UBE2V1: variants seen among roughly 807,000 people sequenced by gnomAD.
UBE2V1 encodes ubiquitin conjugating enzyme E2 V1.
A neutral mutation model predicts 19.6 loss-of-function variants in UBE2V1; 15 were observed. That is an observed-to-expected ratio of 0.77 (90% CI 0.51 to 1.18). UBE2V1 has a LOEUF of 1.18. Among genes scored for constraint, UBE2V1 ranks in the 50% most tolerant of loss-of-function variants. UBE2V1 has a pLI of 0.00. For missense variants in UBE2V1, 125 were observed against 184.8 expected, an observed-to-expected ratio of 0.68 and a Z score of 1.88; for synonymous variants, 60 against 60.7, an observed-to-expected ratio of 0.99 and a Z score of 0.05.
intron 1 of UBE2V1, among the ~76,000 whole-genome samples, chr20:50,111,873 C>T (rs1193331311): frequency 6.6e-6 from 1 of 152,198 alleles, no homozygotes; most frequent in Non-Finnish European, 1.5e-5. Flanking sequence ...TGCAGCCCCA[C>T]AGTGGGGAAC....
chr20:50,084,424 GT>G, intron 2 of UBE2V1, 170 bp from the exon 3 acceptor site: 2 of 1,215,552 alleles, frequency 1.6e-6, no homozygotes, highest in Non-Finnish European at 2.4e-6. Flanking sequence ...TCCTACACTA[GT>G]TTATATGACT....
At chr20:50,111,298 G>A in intron 1 of UBE2V1, 15 of 989,388 alleles carry the variant, frequency 1.5e-5, no homozygotes, top group Non-Finnish European at 1.7e-5. Flanking sequence ...CTTTTTAACT[G>A]TCAGGGTCTG....
At chr20:50,101,032 C>G (rs2079952765) in intron 1 of UBE2V1, among the ~76,000 whole-genome samples, 1 of 152,174 alleles carries the variant, frequency 6.6e-6, no homozygotes, top group Non-Finnish European at 1.5e-5. Flanking sequence ...TATTCGATTA[C>G]TTAAAAACAA....
intron 1 of UBE2V1, among the ~76,000 whole-genome samples, chr20:50,101,368 C>T (rs1473259841): frequency 1.3e-5 from 2 of 151,562 alleles, no homozygotes; most frequent in African/African-American, 4.8e-5. Flanking sequence ...AAACCTTTTG[C>T]TCTCAAGAAT....
intron 2 of UBE2V1, among the ~76,000 whole-genome samples, chr20:50,094,207 TAA>T (rs1491298559): frequency 1.3e-5 from 1 of 78,406 alleles, no homozygotes; most frequent in African/African-American, 1.1e-4. Flanking sequence ...ACAGTATATA[TAA>T]TATATAACAT....
At chr20:50,086,379 CA>C (rs2078915699) in intron 2 of UBE2V1, among the ~76,000 whole-genome samples, 3 of 151,924 alleles carry the variant, frequency 2.0e-5, no homozygotes, top group Non-Finnish European at 2.9e-5. Context: ...AATTGGTACT[CA>C]AATGTTTGTT....
chr20:50,113,766 A>AATTCATTC (rs67186246), upstream of UBE2V1, among the ~76,000 whole-genome samples: 1,112 of 132,878 alleles, frequency 8.4e-3, 11 homozygotes, highest in African/African-American at 0.021. Context: ...CCATCTACCC[A>AATTCATTC]ATTCATTCAT....
intron 2 of UBE2V1, among the ~76,000 whole-genome samples, chr20:50,091,750 A>G (rs2079244384): frequency 6.6e-6 from 1 of 152,180 alleles, no homozygotes; most frequent in Non-Finnish European, 1.5e-5. Flanking sequence ...GATGTCCACC[A>G]TCTATTAGGT....
At chr20:50,115,617 G>C (rs1175830600), upstream of UBE2V1, 1 of 1,402,080 alleles carries the variant, frequency 7.1e-7, no homozygotes, top group African/African-American at 1.5e-5. Context: ...AACCTCATAG[G>C]ATTGCTGTGG....
chr20:50,096,305 G>T, intron 2 of UBE2V1: 1 of 300,574 alleles, frequency 3.3e-6, no homozygotes, highest in Non-Finnish European at 6.3e-6. Context: ...CAACTGGGAA[G>T]GCTTTCCAGA....
intron 1 of UBE2V1, among the ~76,000 whole-genome samples, chr20:50,106,874 C>CAACAA (rs530425666): frequency 1.6e-5 from 2 of 124,670 alleles, no homozygotes; most frequent in African/African-American, 6.3e-5. Context: ...ACAACAACAA[C>CAACAA]AAAAAAAAAA....
chr20:50,091,325 C>T lies in UBE2V1; in HGVS notation c.171+5347G>A, dbSNP rs548295290. Among the ~76,000 whole-genome samples the T allele has an allele frequency of 1.5e-4, 23 of 151,252 alleles. 1 individual carries two copies. The highest frequency in any genetic ancestry group is 3.4e-4 in the African/African-American group (14 of 41,110). On this transcript the variant is annotated intron_variant, in intron 2 of 3. Coordinates refer to ENST00000371674, the MANE Select transcript of UBE2V1 (RefSeq NM_001032288.3). ...CCTCCCAAAGCGCTGGGATTACAGG[C>T]GTGAATCACCACACCTGGGCTTTTG... is the stretch of plus-strand genomic sequence containing the variant.
At chr20:50,083,890 A>G in intron 3 of UBE2V1, 1 of 358,350 alleles carries the variant, frequency 2.8e-6, no homozygotes, top group African/African-American at 2.1e-5. Context: ...ATGAGGAAAG[A>G]GCTCATATTT....
upstream of UBE2V1, chr20:50,113,268 G>C (rs2080901728): frequency 1.6e-6 from 1 of 607,774 alleles, no homozygotes; most frequent in South Asian, 6.7e-5. Flanking sequence ...CCCGTGGCCT[G>C]GAAGGCTCTT....
intron 2 of UBE2V1, among the ~76,000 whole-genome samples, chr20:50,089,722 C>A (rs73910385): frequency 6.6e-6 from 1 of 152,094 alleles, no homozygotes; most frequent in African/African-American, 2.4e-5. Context: ...TGAGTGAGCA[C>A]GGGGCCCATC....
intron 1 of UBE2V1, among the ~76,000 whole-genome samples, chr20:50,097,739 C>T (rs2079723623): frequency 6.6e-6 from 1 of 152,174 alleles, no homozygotes; most frequent in African/African-American, 2.4e-5. Flanking sequence ...AGTCAAGTTT[C>T]AAGTTCTCTG....
At chr20:50,114,149 TTGTC>T (rs2080938387), upstream of UBE2V1, among the ~76,000 whole-genome samples, 2 of 152,120 alleles carry the variant, frequency 1.3e-5, no homozygotes, top group South Asian at 4.1e-4. Flanking sequence ...TTATTATAAA[TTGTC>T]TGAGAAGCCC....
chr20:50,105,526 T>C (rs2080298062), intron 1 of UBE2V1, among the ~76,000 whole-genome samples: 1 of 152,266 alleles, frequency 6.6e-6, no homozygotes, highest in Admixed American at 6.5e-5. Flanking sequence ...ACATATGTTT[T>C]GGTCCTCTAG....
At chr20:50,088,100 TAA>T (rs11302479) in intron 2 of UBE2V1, among the ~76,000 whole-genome samples, 1,472 of 109,100 alleles carry the variant, frequency 0.013, 8 homozygotes, top group African/African-American at 0.021. Context: ...GTCTAATCAT[TAA>T]AAAAAAAAAA....
Sources: gnomAD v4.1 joint callset for allele counts (sites outside exome capture counted in the v4.1 genomes callset) on GRCh38, gnomAD v4.1.1 for gene constraint, MANE v1.5 for transcripts, NCBI Gene and HGNC (gene_info 2026-07-23, HGNC 2026-07-21) for gene names.